The following SIMC1 variants were observed in gnomAD, a reference collection of about 807,000 sequenced individuals.
The protein encoded by SIMC1 is SUMO interacting motifs containing 1.
SIMC1 carries 55 observed loss-of-function variants against 82.3 expected under a neutral mutation model. The observed-to-expected ratio is 0.67, with a 90% CI of 0.54 to 0.84. The LOEUF (loss-of-function observed/expected upper bound fraction) is 0.84, where lower values mean the gene tolerates loss of function less well. Among genes scored for constraint, SIMC1 ranks in the 40% least tolerant of loss-of-function variants. The probability of loss-of-function intolerance (pLI) is 0.00; values close to 1 mark genes in which losing one functional copy is unlikely to be tolerated. For missense variants in SIMC1, 915 were observed against 1,107.2 expected (o/e 0.83, Z 2.46); for synonymous variants, 353 against 426.3 (o/e 0.83, Z 2.12).
intron 1 of SIMC1, among the ~76,000 whole-genome samples, chr5:176,279,056 T>A (rs1453178428): frequency 1.3e-5 from 2 of 152,226 alleles, no homozygotes; most frequent in Non-Finnish European, 2.9e-5. Context: ...TCTGGTAGAA[T>A]TCGGCTGTGA....
chr5:176,315,742 A>AC (rs1764873382), intron 5 of SIMC1, among the ~76,000 whole-genome samples: 1 of 151,878 alleles, frequency 6.6e-6, no homozygotes, highest in African/African-American at 2.4e-5. Context: ...CAGTTTTCCC[A>AC]CCCCCTTAGT....
intron 4 of SIMC1, among the ~76,000 whole-genome samples, chr5:176,305,553 G>C: frequency 7.0e-6 from 1 of 143,106 alleles, no homozygotes; most frequent in Non-Finnish European, 1.5e-5. Context: ...CCCCCGCCTG[G>C]CCAGCCGCCC....
intron 4 of SIMC1, chr5:176,307,971 A>T (rs1764499662): frequency 3.3e-6 from 2 of 601,556 alleles, no homozygotes; most frequent in African/African-American, 3.7e-5. Flanking sequence ...TAATAGCCAA[A>T]ATGTGGAAAT....
intron 7 of SIMC1, among the ~76,000 whole-genome samples, chr5:176,331,143 G>T (rs1765641157): frequency 6.6e-6 from 1 of 151,970 alleles, no homozygotes; most frequent in Admixed American, 6.6e-5. Flanking sequence ...GGCCAAGGCG[G>T]GTGGATCACG....
Position 176,241,982 on chromosome 5 carries a change from C to T in SIMC1, c.129+3345C>T, listed in dbSNP as rs544391240. 9.9e-5 allele frequency among the ~76,000 whole-genome samples: 15 copies of T among 152,130 alleles called. No individual in the cohort carries two copies. In the South Asian group the frequency reaches 3.1e-3, roughly 31 times the overall value. On this transcript the variant is annotated intron_variant, in intron 1 of 9. Coordinates refer to ENST00000429602, the MANE Select transcript of SIMC1 (RefSeq NM_001308195.2). ...AGAGCACATCCAGCATCACTAAGCA[C>T]TTTGTATGGGTTTCATGGTGTTATT... is the stretch of plus-strand genomic sequence containing the variant.
At chr5:176,299,402 A>C (rs1763949532) in intron 4 of SIMC1, among the ~76,000 whole-genome samples, 1 of 152,176 alleles carries the variant, frequency 6.6e-6, no homozygotes, top group Non-Finnish European at 1.5e-5. Context: ...TAAAAAAAAA[A>C]AAAAGAAATA....
At chr5:176,294,224 A>AT (rs1763705238) in intron 2 of SIMC1, among the ~76,000 whole-genome samples, 1 of 152,078 alleles carries the variant, frequency 6.6e-6, no homozygotes, top group African/African-American at 2.4e-5. Flanking sequence ...TTGAATTCTG[A>AT]TTTTTTAACT....
rs1763519808 is a variant in SIMC1 at position 176,290,709 on chromosome 5, C to T, written c.1185C>T (p.Cys395=). The change falls in exon 2 of 10, where the codon TGC becomes TGT. Residue 395 remains cysteine (C), a synonymous_variant. Transcript: ENST00000429602. ...TCTCAGCTCTGTCCTCTCCAAGCTGCTCTCCCAGCCCACAGTCTGAAACTC... is the reference window on the plus strand; with the variant it reads ...TCTCAGCTCTGTCCTCTCCAAGCTGTTCTCCCAGCCCACAGTCTGAAACTC... ...MDISALSSPS[C]SPSPQSETPL... 2.5e-6 allele frequency: 4 copies of T among 1,613,834 alleles called. No individual in the cohort carries two copies. Among genetic ancestry groups the T allele is most frequent in the Non-Finnish European group, 3.4e-6 (4 of 1,179,876 alleles).
intron 1 of SIMC1, among the ~76,000 whole-genome samples, chr5:176,279,637 T>C (rs1479591150): frequency 2.7e-5 from 4 of 150,922 alleles, no homozygotes; most frequent in African/African-American, 9.7e-5. Flanking sequence ...CTCTACACAC[T>C]GCTTTGAATG....
chr5:176,278,854 G>T (rs561349791), intron 1 of SIMC1, among the ~76,000 whole-genome samples: 7 of 150,458 alleles, frequency 4.7e-5, no homozygotes, highest in African/African-American at 1.7e-4. Context: ...CGGTTTGCCA[G>T]TATTTTATTG....
intron 1 of SIMC1, among the ~76,000 whole-genome samples, chr5:176,284,535 G>A (rs1466572515): frequency 1.3e-5 from 2 of 152,234 alleles, no homozygotes; most frequent in South Asian, 2.1e-4. Context: ...GTGTGTAGAG[G>A]GAAATTTATA....
intron 1 of SIMC1, among the ~76,000 whole-genome samples, chr5:176,250,727 G>T (rs1761622216): frequency 6.6e-6 from 1 of 152,124 alleles, no homozygotes; most frequent in Non-Finnish European, 1.5e-5. Flanking sequence ...GGCCTTCTTT[G>T]TCTATTTTGA....
intron 1 of SIMC1, among the ~76,000 whole-genome samples, chr5:176,281,106 A>G (rs1246803859): frequency 1.3e-5 from 2 of 152,052 alleles, no homozygotes; most frequent in Admixed American, 6.6e-5. Context: ...ATAGTCCCAT[A>G]TTTCTTGGAA....
intron 2 of SIMC1, among the ~76,000 whole-genome samples, chr5:176,293,670 C>G (rs1763679474): frequency 6.6e-6 from 1 of 151,690 alleles, no homozygotes; most frequent in Non-Finnish European, 1.5e-5. Context: ...ATGGCTTGAG[C>G]CTGGGAGGCA....
At chr5:176,266,437 A>T (rs1762215135) in intron 1 of SIMC1, among the ~76,000 whole-genome samples, 1 of 152,132 alleles carries the variant, frequency 6.6e-6, no homozygotes, top group Non-Finnish European at 1.5e-5. Flanking sequence ...CCCCTGCCTC[A>T]AGAGGCCAGG....
chr5:176,312,096 A>C (rs1764687698), intron 4 of SIMC1, among the ~76,000 whole-genome samples: 1 of 152,222 alleles, frequency 6.6e-6, no homozygotes, highest in Non-Finnish European at 1.5e-5. Flanking sequence ...TACAGTTGAT[A>C]AATCAAGAAA....
chr5:176,299,813 C>G (rs1009823978), intron 4 of SIMC1, among the ~76,000 whole-genome samples: 18 of 152,214 alleles, frequency 1.2e-4, no homozygotes, highest in African/African-American at 4.3e-4. Flanking sequence ...CACCCAACAA[C>G]AGCAGAACAC....
intron 5 of SIMC1, among the ~76,000 whole-genome samples, chr5:176,316,217 A>G (rs1485742476): frequency 6.6e-6 from 1 of 152,184 alleles, no homozygotes; most frequent in African/African-American, 2.4e-5. Context: ...AAAATAATTT[A>G]CATAATGAGA....
chr5:176,286,285 A>G (rs1763278521), intron 1 of SIMC1, among the ~76,000 whole-genome samples: 1 of 152,398 alleles, frequency 6.6e-6, no homozygotes, highest in East Asian at 1.9e-4. Flanking sequence ...GTACCAAAAC[A>G]GAGATATAGA....
Sources: allele counts gnomAD v4.1 joint callset (sites outside exome capture counted in the v4.1 genomes callset), GRCh38; gene constraint gnomAD v4.1.1; transcripts MANE v1.5; gene names NCBI Gene and HGNC (gene_info 2026-07-23, HGNC 2026-07-21).